The following CAST variants were observed in gnomAD, a reference collection of about 807,000 sequenced individuals.
CAST encodes calpastatin.
CAST carries 76 observed loss-of-function variants against 119.6 expected under a neutral mutation model. That is an observed-to-expected ratio of 0.64 (90% CI 0.53 to 0.77). The LOEUF is 0.77. Among genes scored for constraint, CAST ranks in the 30% least tolerant of loss-of-function variants. The probability of loss-of-function intolerance (pLI) is 0.00; values close to 1 mark genes in which losing one functional copy is unlikely to be tolerated. For synonymous variants in CAST, 319 were observed against 331.6 expected, an observed-to-expected ratio of 0.96 and a Z score of 0.41; for missense variants, 953 against 946.5, an observed-to-expected ratio of 1.01 and a Z score of -0.09.
At chr5:96,433,962 G>A in the CAST span, 1 of 152,232 alleles carries the variant, frequency 6.6e-6, no homozygotes, top group East Asian at 1.9e-4. Context: ...GATTAATCAT[G>A]TGATTTTAAA....
At chr5:96,698,379 C>A (rs1388795352) in intron 3 of CAST, among the ~76,000 whole-genome samples, 1 of 152,002 alleles carries the variant, frequency 6.6e-6, no homozygotes, top group African/African-American at 2.4e-5. Flanking sequence ...ACATGAAATT[C>A]TTTTTTTGGC....
chr5:96,351,929 G>A, the CAST span, among the ~76,000 whole-genome samples: 18 of 152,268 alleles, frequency 1.2e-4, no homozygotes, highest in East Asian at 2.5e-3. Flanking sequence ...TTAACTAACC[G>A]AAATGCCTTT....
intron 2 of CAST, among the ~76,000 whole-genome samples, chr5:96,682,023 TTTA>T (rs1427272490): frequency 6.6e-6 from 1 of 152,196 alleles, no homozygotes; most frequent in African/African-American, 2.4e-5. Flanking sequence ...ATTGTTATAT[TTTA>T]TTATTAGTTA....
At chr5:96,265,793 T>A in the CAST span, among the ~76,000 whole-genome samples, 1 of 152,168 alleles carries the variant, frequency 6.6e-6, no homozygotes, top group Admixed American at 6.5e-5. Flanking sequence ...CCTATTGAAG[T>A]TGAAAACCCG....
chr5:96,757,493 C>T lies in CAST; in HGVS notation c.1760C>T (p.Pro587Leu). 1 of 1,614,064 alleles carries T rather than the reference C, an allele frequency of 6.2e-7. No individual in the cohort carries two copies. Among genetic ancestry groups the T allele is most frequent in the East Asian group, 2.2e-5 (1 of 44,876 alleles). ...CCAAAAGAGTCTAAGGAACAGCTTC[C>T]AGTAAGCAAACCAGTTTTCTCTGAG... ...LLPKESKEQL[P>L]PMSEDFLLDA... The change falls in exon 23 of 32, where the codon CCA becomes CTA. Residue 587 changes from proline (P) to leucine (L), a missense_variant and splice_region_variant. By Grantham distance (98) the Pro-to-Leu change is moderately conservative. Coordinates refer to ENST00000675179, the MANE Select transcript of CAST (RefSeq NM_001750.7).
intron 1 of CAST, among the ~76,000 whole-genome samples, chr5:96,558,974 C>A (rs1257083841): frequency 6.6e-6 from 1 of 151,994 alleles, no homozygotes; most frequent in African/African-American, 2.4e-5. Flanking sequence ...TACTGGCAAA[C>A]CGAATCCAGC....
chr5:96,494,162 C>T, the CAST span, among the ~76,000 whole-genome samples: 1 of 152,156 alleles, frequency 6.6e-6, no homozygotes, highest in African/African-American at 2.4e-5. Flanking sequence ...GAGGCTGAAC[C>T]ATTCCCCAGA....
At chr5:96,400,270 T>C in the CAST span, 5 of 904,528 alleles carry the variant, frequency 5.5e-6, no homozygotes, top group African/African-American at 4.9e-5. Context: ...AGCATCTCCA[T>C]TCAGGGATTA....
the CAST span, among the ~76,000 whole-genome samples, chr5:96,407,659 T>C: frequency 6.6e-6 from 1 of 152,214 alleles, no homozygotes; most frequent in East Asian, 1.9e-4. Context: ...TGTTTAAGCA[T>C]GATTAGATGA....
the CAST span, among the ~76,000 whole-genome samples, chr5:96,341,471 A>T: frequency 1.3e-5 from 2 of 151,910 alleles, no homozygotes; most frequent in African/African-American, 4.8e-5. Context: ...CGAAATAACA[A>T]TTTTCTTTTT....
chr5:96,320,266 T>G, the CAST span, among the ~76,000 whole-genome samples: 1 of 147,588 alleles, frequency 6.8e-6, no homozygotes, highest in Admixed American at 6.8e-5. Context: ...AGATGGAATT[T>G]TTGCCCAGGT....
chr5:96,162,650 C>G, the CAST span, among the ~76,000 whole-genome samples: 34 of 152,004 alleles, frequency 2.2e-4, no homozygotes, highest in African/African-American at 8.2e-4. Flanking sequence ...ACTCCTGACC[C>G]GAGGTAATCC....
chr5:96,714,290 A>G (rs1581089606), intron 3 of CAST, among the ~76,000 whole-genome samples: 2 of 152,362 alleles, frequency 1.3e-5, no homozygotes, highest in East Asian at 3.9e-4. Context: ...TCCAGAGCTC[A>G]TGCTCTTAAC....
At chr5:96,034,924 T>C in the CAST span, among the ~76,000 whole-genome samples, 423 of 151,270 alleles carry the variant, frequency 2.8e-3, 3 homozygotes, top group African/African-American at 9.7e-3. Flanking sequence ...TTCATCCATG[T>C]TGTCACAAAT....
chr5:95,990,296 TAGTTTAAAGGA>T, the CAST span, among the ~76,000 whole-genome samples: 1 of 152,108 alleles, frequency 6.6e-6, no homozygotes, highest in Non-Finnish European at 1.5e-5. Flanking sequence ...TGAGCTCACT[TAGTTTAAAGGA>T]AGTTTCCTTA....
intron 1 of CAST, among the ~76,000 whole-genome samples, chr5:96,587,241 C>T (rs1746876464): frequency 1.3e-5 from 2 of 152,208 alleles, no homozygotes; most frequent in South Asian, 4.1e-4. Flanking sequence ...CAACCCATTA[C>T]AGCCGCTCAG....
chr5:96,427,876 A>ACGATGAG, the CAST span, among the ~76,000 whole-genome samples: 1 of 152,306 alleles, frequency 6.6e-6, no homozygotes, highest in East Asian at 1.9e-4. Context: ...GAGCCCACAC[A>ACGATGAG]CGATGAGCCC....
At chr5:96,186,653 T>C in the CAST span, among the ~76,000 whole-genome samples, 1 of 152,242 alleles carries the variant, frequency 6.6e-6, no homozygotes, top group Non-Finnish European at 1.5e-5. Context: ...GTCACATTTA[T>C]TGATTTGTGT....
the CAST span, among the ~76,000 whole-genome samples, chr5:96,211,146 A>G: frequency 6.6e-6 from 1 of 151,922 alleles, no homozygotes; most frequent in East Asian, 1.9e-4. Context: ...TAATCAATGT[A>G]ATTTTTATTT....
Sources: allele counts gnomAD v4.1 joint callset (sites outside exome capture counted in the v4.1 genomes callset), GRCh38; gene constraint gnomAD v4.1.1; transcripts MANE v1.5; gene names NCBI Gene and HGNC (gene_info 2026-07-23, HGNC 2026-07-21).